The following ERICH1 variants were observed in gnomAD, a reference collection of about 807,000 sequenced individuals.
The protein encoded by ERICH1 is glutamate rich 1, also known as glutamate-rich protein 1.
A neutral mutation model predicts 39.6 loss-of-function variants in ERICH1; 56 were observed. The observed-to-expected ratio is 1.41, with a 90% CI of 1.14 to 1.77. The LOEUF (loss-of-function observed/expected upper bound fraction) is 1.77. ERICH1 is among the 40% of genes most tolerant of loss of function. The probability of loss-of-function intolerance (pLI) is 0.00; values close to 1 mark genes in which losing one functional copy is unlikely to be tolerated. For synonymous variants in ERICH1, 313 were observed against 223.6 expected, an observed-to-expected ratio of 1.40 and a Z score of -3.57; for missense variants, 826 against 575.4, an observed-to-expected ratio of 1.44 and a Z score of -4.45.
At chr8:629,856 CCA>C (rs1563167155) in intron 3 of ERICH1, among the ~76,000 whole-genome samples, 1 of 138,002 alleles carries the variant, frequency 7.2e-6, no homozygotes, top group Non-Finnish European at 1.5e-5. Flanking sequence ...CCGTGACCAC[CCA>C]CACAGACAGA....
In ERICH1 at chr8:616,898, C is replaced by G. The variant is rs1306870579; in HGVS notation, c.977-1614G>C. On this transcript the variant is annotated intron_variant, in intron 3 of 3. Transcript: ENST00000522706. ...GGAGAGGGAGACAGAGACACACACACACACAGAGAGAGAGAGAGAGACAGA... is the reference window on the plus strand; with the variant it reads ...GGAGAGGGAGACAGAGACACACACAGACACAGAGAGAGAGAGAGAGACAGA... Among the ~76,000 whole-genome samples, 22 of 10,664 alleles carry G rather than the reference C, an allele frequency of 2.1e-3. 1 individual carries two copies. The highest frequency in any genetic ancestry group is 0.014 in the African/African-American group (10 of 730). 7.0% of individuals were successfully genotyped at this position (10,664 alleles called of 152,430 possible).
downstream of ERICH1, among the ~76,000 whole-genome samples, chr8:660,847 T>C (rs1801324471): frequency 6.6e-6 from 1 of 152,010 alleles, no homozygotes; most frequent in Non-Finnish European, 1.5e-5. Context: ...GGCCATGAGC[T>C]ATATGGGACT....
intron 2 of ERICH1, among the ~76,000 whole-genome samples, chr8:697,558 C>G (rs566592533): frequency 1.3e-5 from 2 of 152,170 alleles, no homozygotes; most frequent in Non-Finnish European, 2.9e-5. Flanking sequence ...CCTGTCAAAT[C>G]GTCCCCTCAC....
At chr8:654,773 G>A (rs536470213) in intron 3 of ERICH1, among the ~76,000 whole-genome samples, 1 of 152,216 alleles carries the variant, frequency 6.6e-6, no homozygotes, top group South Asian at 2.1e-4. Flanking sequence ...CCCCGTTGCT[G>A]GGAGGGGCAG....
intron 3 of ERICH1, chr8:626,726 GA>G (rs766778583): frequency 7.9e-5 from 14 of 176,392 alleles, no homozygotes; most frequent in Non-Finnish European, 1.2e-4. Context: ...CTCTCATCGC[GA>G]TGCCATCCTC....
At chr8:633,777 C>A (rs1331750337) in intron 3 of ERICH1, among the ~76,000 whole-genome samples, 1 of 152,252 alleles carries the variant, frequency 6.6e-6, no homozygotes, top group East Asian at 1.9e-4. Flanking sequence ...GATGGCAGGA[C>A]TCCTCAATGG....
rs1811848260 is a variant in ERICH1 at position 700,533 on chromosome 8, G to GCGCACAGGCCCGCACAC, written c.170-7922_170-7921insGTGTGCGGGCCTGTGCG. Among the ~76,000 whole-genome samples, 14 of 39,032 alleles carry GCGCACAGGCCCGCACAC rather than the reference G, an allele frequency of 3.6e-4. 1 individual carries two copies. Among genetic ancestry groups the GCGCACAGGCCCGCACAC allele is most frequent in the African/African-American group, 5.4e-4 (7 of 12,962 alleles). 25.6% of individuals were successfully genotyped at this position (39,032 alleles called of 152,430 possible). On this transcript the variant is annotated intron_variant, in intron 2 of 5. Coordinates refer to ENST00000262109, the MANE Select transcript of ERICH1 (RefSeq NM_207332.3). ...CCGCACAGGCGCACAGGCCCGCACA[G>GCGCACAGGCCCGCACAC]GCGCACAGGCCCGCACACGCGCACA...
intron 3 of ERICH1, chr8:616,549 G>C (rs1178420148): frequency 2.2e-6 from 1 of 455,860 alleles, no homozygotes; most frequent in Non-Finnish European, 4.4e-6. Context: ...CGCACATCTG[G>C]GAACTGGAGC....
intron 2 of ERICH1, among the ~76,000 whole-genome samples, chr8:699,828 G>C (rs1317608182): frequency 2.5e-5 from 2 of 78,442 alleles, no homozygotes; most frequent in African/African-American, 4.1e-5. Flanking sequence ...CAAGCGCACA[G>C]ACCCGCACAG....
chr8:615,961 T>C (rs1796879274), intron 3 of ERICH1: 1 of 152,652 alleles, frequency 6.6e-6, no homozygotes, highest in Non-Finnish European at 1.5e-5. Context: ...GTTACAATTT[T>C]CCAGATGATG....
rs763142371 is a variant in ERICH1 at position 664,610 on chromosome 8, C to G, written c.1325G>C (p.Ser442Thr). The change falls in exon 6 of 6, where the codon AGT becomes ACT. Residue 442 changes from serine (S) to threonine (T), a missense_variant. Transcript: ENST00000262109. Reference protein sequence around the residue: ...WITHILPEKSSD With the variant: ...WITHILPEKSTD ...TTAAAGAGATATTCCATTTTAGTCA[C>G]TGCTCTTCTCAGGAAGGATATGTGT... is the stretch of plus-strand genomic sequence containing the variant. The G allele has an allele frequency of 1.5e-5, 24 of 1,610,878 alleles. No homozygotes were observed. Among genetic ancestry groups the G allele is most frequent in the Non-Finnish European group, 2.0e-5 (23 of 1,178,888 alleles).
intron 3 of ERICH1, among the ~76,000 whole-genome samples, chr8:636,013 G>C (rs545056546): frequency 2.6e-5 from 4 of 152,362 alleles, no homozygotes; most frequent in Admixed American, 1.3e-4. Context: ...GCTGCACCTT[G>C]CCAGGGCCAC....
At chr8:628,953 A>G (rs990449967) in intron 3 of ERICH1, among the ~76,000 whole-genome samples, 7 of 152,058 alleles carry the variant, frequency 4.6e-5, no homozygotes, top group Non-Finnish European at 1.0e-4. Flanking sequence ...AGACTAAAGG[A>G]GGTGGGAGGG....
chr8:710,766 T>C (rs1252862524), intron 2 of ERICH1, among the ~76,000 whole-genome samples: 1 of 152,252 alleles, frequency 6.6e-6, no homozygotes, highest in Non-Finnish European at 1.5e-5. Context: ...ATTTGCTTAT[T>C]CATTCACTTA....
chr8:695,860 C>G (rs1221706925), intron 2 of ERICH1, among the ~76,000 whole-genome samples: 21 of 120,602 alleles, frequency 1.7e-4, no homozygotes, highest in South Asian at 5.7e-4. Flanking sequence ...CACCTGTGCT[C>G]GCTCCTCTCA....
intron 3 of ERICH1, chr8:625,745 C>A (rs1305685200): frequency 1.3e-5 from 2 of 152,226 alleles, no homozygotes; most frequent in Non-Finnish European, 2.9e-5. Context: ...GAACCGTGCA[C>A]AGTTGTAGGC....
At chr8:726,403 G>A (rs1199449468) in intron 1 of ERICH1, among the ~76,000 whole-genome samples, 1 of 151,600 alleles carries the variant, frequency 6.6e-6, no homozygotes, top group Non-Finnish European at 1.5e-5. Flanking sequence ...AAAACACACA[G>A]ACACACATGT....
intron 3 of ERICH1, among the ~76,000 whole-genome samples, chr8:622,552 A>C (rs1052135998): frequency 6.6e-6 from 1 of 152,152 alleles, no homozygotes; most frequent in Non-Finnish European, 1.5e-5. Flanking sequence ...GTGACCAATA[A>C]ATTCTGCTGT....
intron 2 of ERICH1, among the ~76,000 whole-genome samples, chr8:696,220 C>T: frequency 1.6e-5 from 1 of 62,008 alleles, no homozygotes; most frequent in African/African-American, 1.0e-4. Flanking sequence ...CAGCCTGCGC[C>T]TGTGCTGGCT....
Sources: gnomAD v4.1 joint callset for allele counts (sites outside exome capture counted in the v4.1 genomes callset) on GRCh38, gnomAD v4.1.1 for gene constraint, MANE v1.5 for transcripts, NCBI Gene and HGNC (gene_info 2026-07-23, HGNC 2026-07-21) for gene names.